Variants in DPYD observed in about 807,000 individuals in gnomAD.
DPYD encodes the protein dihydropyrimidine dehydrogenase, also known as dihydropyrimidine dehydrogenase [NADP(+)].
DPYD carries 109 observed loss-of-function variants against 116.2 expected under a neutral mutation model. The observed-to-expected ratio is 0.94, with a 90% CI of 0.80 to 1.10. DPYD has a LOEUF of 1.10. DPYD is among the 50% of genes least tolerant of loss of function. DPYD has a pLI of 0.00. For synonymous variants in DPYD, 440 were observed against 432.0 expected (o/e 1.02, Z -0.23); for missense variants, 1,302 against 1,254.5 (o/e 1.04, Z -0.57).
chr1:97,250,840 T>C (rs1663037635), intron 18 of DPYD, among the ~76,000 whole-genome samples: 1 of 152,216 alleles, frequency 6.6e-6, no homozygotes, highest in African/African-American at 2.4e-5. Context: ...CTGTCTTGTT[T>C]CAGATTGTGT....
At chr1:97,411,067 C>T (rs1673966286) in intron 14 of DPYD, among the ~76,000 whole-genome samples, 1 of 152,104 alleles carries the variant, frequency 6.6e-6, no homozygotes, top group Non-Finnish European at 1.5e-5. Flanking sequence ...TGTTCTTTAC[C>T]TGAATGGTCT....
At chr1:97,299,635 G>A (rs955418868) in intron 18 of DPYD, among the ~76,000 whole-genome samples, 1 of 152,090 alleles carries the variant, frequency 6.6e-6, no homozygotes, top group Admixed American at 6.6e-5. Flanking sequence ...GAATATGGCA[G>A]CTGAGTCCCA....
intron 15 of DPYD, among the ~76,000 whole-genome samples, chr1:97,380,795 G>A (rs1044730235): frequency 2.6e-5 from 4 of 152,072 alleles, no homozygotes; most frequent in Non-Finnish European, 5.9e-5. Flanking sequence ...TTTTAACGTG[G>A]GTTTTTCCAT....
At chr1:97,691,938 A>G in intron 6 of DPYD, 140 bp from the exon 7 acceptor site, 1 of 700,610 alleles carries the variant, frequency 1.4e-6, no homozygotes, top group Non-Finnish European at 2.5e-6. Flanking sequence ...ATCACACAAG[A>G]TATGCATGAG....
At chr1:97,134,825 C>T (rs754072625) in intron 20 of DPYD, among the ~76,000 whole-genome samples, 9 of 152,110 alleles carry the variant, frequency 5.9e-5, no homozygotes, top group East Asian at 1.9e-4. Context: ...AGTAAGTTAA[C>T]GTTGCCTTTG....
chr1:97,674,989 A>G (rs1259997621), intron 8 of DPYD, among the ~76,000 whole-genome samples: 1 of 152,216 alleles, frequency 6.6e-6, no homozygotes, highest in Non-Finnish European at 1.5e-5. Flanking sequence ...AACTAGAGCC[A>G]TATTTAAAAA....
In DPYD at chr1:97,593,407, C is replaced by T. The variant is rs920103825; in HGVS notation, c.959-20G>A. The T allele has an allele frequency of 1.9e-6, 3 of 1,613,462 alleles. No individual in the cohort carries two copies. Among genetic ancestry groups the T allele is most frequent in the East Asian group, 4.5e-5 (2 of 44,860 alleles). On this transcript the variant is annotated intron_variant, in intron 9 of 22. Coordinates refer to ENST00000370192, the MANE Select transcript of DPYD (RefSeq NM_000110.4). ...ACATTCCTGAATGATGAAAGGAAAA[C>T]CCCATTTTCAAGTAGAGAAACCATT... is the stretch of plus-strand genomic sequence containing the variant.
At chr1:97,259,848 G>A (rs1278433181) in intron 18 of DPYD, among the ~76,000 whole-genome samples, 1 of 152,054 alleles carries the variant, frequency 6.6e-6, no homozygotes, top group Non-Finnish European at 1.5e-5. Context: ...AAGATGATAT[G>A]GGCAATGGTT....
intron 18 of DPYD, among the ~76,000 whole-genome samples, chr1:97,301,463 T>G (rs1475966394): frequency 6.6e-6 from 1 of 151,958 alleles, no homozygotes. Context: ...ATATTGAGCC[T>G]AAAGTGTCTA....
intron 8 of DPYD, among the ~76,000 whole-genome samples, chr1:97,597,293 T>C (rs1654949829): frequency 6.6e-6 from 1 of 152,200 alleles, no homozygotes; most frequent in Non-Finnish European, 1.5e-5. Context: ...CTCCTCTACC[T>C]GGGTGACAGG....
At chr1:97,639,091 T>G (rs1487502582) in intron 8 of DPYD, among the ~76,000 whole-genome samples, 1 of 152,152 alleles carries the variant, frequency 6.6e-6, no homozygotes, top group Non-Finnish European at 1.5e-5. Flanking sequence ...TTGTAGGCAG[T>G]TGATGAGGCA....
intron 8 of DPYD, among the ~76,000 whole-genome samples, chr1:97,652,218 G>C (rs1392650110): frequency 6.6e-6 from 1 of 151,982 alleles, no homozygotes; most frequent in Non-Finnish European, 1.5e-5. Context: ...CTGCAAAAGA[G>C]AATTTTAGAA....
intron 8 of DPYD, among the ~76,000 whole-genome samples, chr1:97,633,162 A>G (rs781264033): frequency 6.6e-6 from 1 of 152,186 alleles, no homozygotes; most frequent in Non-Finnish European, 1.5e-5. Flanking sequence ...AACCATGTTT[A>G]TAAGAATTTT....
At chr1:97,244,084 T>C (rs989939052) in intron 18 of DPYD, among the ~76,000 whole-genome samples, 1 of 151,970 alleles carries the variant, frequency 6.6e-6, no homozygotes, top group African/African-American at 2.4e-5. Context: ...GAGAAAAATA[T>C]ATGGCATTTA....
Position 97,721,568 on chromosome 1 carries a change from A to G in DPYD, c.425T>C (p.Leu142Ser). ...AATGGGTCCCTCTTCAGTGGCATATAAATTGCATCCACCTACACAAAGATC... is the reference window on the plus strand; with the variant it reads ...AATGGGTCCCTCTTCAGTGGCATATGAATTGCATCCACCTACACAAAGATC... ...TSDLCVGGCNLYATEEGPINI... is the reference protein window; with the variant it reads ...TSDLCVGGCNSYATEEGPINI... Residue 142 changes from leucine to serine, a missense_variant, in exon 5 of 23, where the codon TTA becomes TCA. By Grantham distance (145) the Leu-to-Ser change is moderately radical (BLOSUM62 -2). Transcript: ENST00000370192. 2 of 1,611,928 alleles carry G rather than the reference A, an allele frequency of 1.2e-6. No individual in the cohort carries two copies. The highest frequency in any genetic ancestry group is 2.2e-5 in the South Asian group (2 of 91,038).
At chr1:97,223,081 G>A (rs1031441754) in intron 19 of DPYD, among the ~76,000 whole-genome samples, 3 of 152,008 alleles carry the variant, frequency 2.0e-5, no homozygotes, top group African/African-American at 7.2e-5. Flanking sequence ...GATAATATGG[G>A]TAATGCATCC....
chr1:97,256,464 G>C (rs114607073), intron 18 of DPYD, among the ~76,000 whole-genome samples: 89 of 152,180 alleles, frequency 5.8e-4, no homozygotes, highest in African/African-American at 2.1e-3. Context: ...CTCTTCTCAT[G>C]ATAATGAATA....
chr1:97,537,222 C>A, intron 12 of DPYD, among the ~76,000 whole-genome samples: 1 of 152,274 alleles, frequency 6.6e-6, no homozygotes, highest in East Asian at 1.9e-4. Flanking sequence ...ATCTTTAACA[C>A]GAGGCAGAGT....
chr1:97,322,593 T>G (rs1668362393), intron 16 of DPYD: 6 of 152,008 alleles, frequency 3.9e-5, no homozygotes, highest in Admixed American at 3.9e-4. Context: ...TTTAGCAATC[T>G]TGAACCTAAA....
Sources: allele counts gnomAD v4.1 joint callset (sites outside exome capture counted in the v4.1 genomes callset), GRCh38; gene constraint gnomAD v4.1.1; transcripts MANE v1.5; gene names NCBI Gene and HGNC (gene_info 2026-07-23, HGNC 2026-07-21).